PAM: variants seen among roughly 807,000 people sequenced by gnomAD.
The protein encoded by PAM is peptidyl-glycine alpha-amidating monooxygenase.
Under a neutral mutation model 122.1 loss-of-function variants are expected in PAM, and 72 were observed. The observed-to-expected ratio is 0.59, with a 90% confidence interval of 0.49 to 0.72. The LOEUF is 0.72. Among genes scored for constraint, PAM ranks in the 30% least tolerant of loss-of-function variants. The probability of loss-of-function intolerance (pLI) is 0.00; values close to 1 mark genes in which losing one functional copy is unlikely to be tolerated. For missense variants in PAM, 1,106 were observed against 1,183.7 expected (o/e 0.93, Z 0.96); for synonymous variants, 389 against 404.4 (o/e 0.96, Z 0.46).
intron 21 of PAM, among the ~76,000 whole-genome samples, chr5:103,011,821 T>A (rs921586119): frequency 2.3e-5 from 2 of 86,456 alleles, no homozygotes; most frequent in African/African-American, 6.6e-5. Flanking sequence ...CTACTTTTAG[T>A]TTTTTAAGGA....
intron 5 of PAM, among the ~76,000 whole-genome samples, chr5:102,914,795 A>G (rs1158419355): frequency 6.6e-6 from 1 of 152,110 alleles, no homozygotes; most frequent in Non-Finnish European, 1.5e-5. Context: ...ACCCACAGTT[A>G]TTTTCATTTT....
intron 4 of PAM, among the ~76,000 whole-genome samples, chr5:102,912,206 G>C (rs1801608899): frequency 6.6e-6 from 1 of 152,020 alleles, no homozygotes; most frequent in East Asian, 1.9e-4. Flanking sequence ...TCTTCTGAGG[G>C]GAGGAAGTCA....
intron 4 of PAM, among the ~76,000 whole-genome samples, chr5:102,908,355 A>G (rs549641548): frequency 5.3e-5 from 8 of 152,048 alleles, no homozygotes; most frequent in African/African-American, 1.7e-4. Context: ...TACCAGTACC[A>G]TGCTGTTTTG....
chr5:102,807,288 G>A (rs1278576794), intron 1 of PAM, among the ~76,000 whole-genome samples: 1 of 152,178 alleles, frequency 6.6e-6, no homozygotes, highest in East Asian at 1.9e-4. Flanking sequence ...GACTTGGTTT[G>A]ATGTTGAAAC....
intron 7 of PAM, among the ~76,000 whole-genome samples, chr5:102,928,916 G>T (rs1342453197): frequency 1.3e-5 from 2 of 152,030 alleles, no homozygotes; most frequent in Admixed American, 6.5e-5. Flanking sequence ...AAACTGGAAA[G>T]TTCTCAAATG....
intron 9 of PAM, among the ~76,000 whole-genome samples, chr5:102,949,215 A>G (rs1757987294): frequency 6.6e-6 from 1 of 152,128 alleles, no homozygotes; most frequent in Admixed American, 6.6e-5. Context: ...TTCCAAAAAT[A>G]AAAACCAATT....
chr5:102,792,720 G>A (rs1762356195), intron 1 of PAM, among the ~76,000 whole-genome samples: 1 of 152,168 alleles, frequency 6.6e-6, no homozygotes, highest in African/African-American at 2.4e-5. Flanking sequence ...ATTTTATCAA[G>A]TGAAGAGTTT....
At chr5:102,967,238 TC>T (rs1764357727) in intron 14 of PAM, among the ~76,000 whole-genome samples, 1 of 152,170 alleles carries the variant, frequency 6.6e-6, no homozygotes. Flanking sequence ...GTTATTAGAT[TC>T]CCATGTACTA....
intron 1 of PAM, among the ~76,000 whole-genome samples, chr5:102,847,805 C>G (rs1253665935): frequency 1.3e-5 from 2 of 152,098 alleles, no homozygotes; most frequent in Non-Finnish European, 2.9e-5. Context: ...TGAAATCGGT[C>G]AGAGAACTAA....
At chr5:103,008,934 A>G (rs1160963415) in intron 20 of PAM, among the ~76,000 whole-genome samples, 1 of 152,150 alleles carries the variant, frequency 6.6e-6, no homozygotes, top group Admixed American at 6.5e-5. Context: ...AATTTTGCAC[A>G]ATAGTAATTG....
At chr5:102,996,077 C>T (rs1191750094) in intron 16 of PAM, among the ~76,000 whole-genome samples, 1 of 152,056 alleles carries the variant, frequency 6.6e-6, no homozygotes, top group African/African-American at 2.4e-5. Context: ...TTTCTCCTTA[C>T]TCTAGCTCTT....
chr5:102,798,704 T>G (rs751200258), intron 1 of PAM, among the ~76,000 whole-genome samples: 13 of 152,180 alleles, frequency 8.5e-5, no homozygotes, highest in Non-Finnish European at 1.5e-4. Flanking sequence ...AAATTGCAAA[T>G]CTGGTTAGTT....
chr5:102,950,416 G>GTGTGTGTGTGTGTGTGTGT (rs1758418594), intron 11 of PAM, among the ~76,000 whole-genome samples: 18 of 146,062 alleles, frequency 1.2e-4, no homozygotes, highest in African/African-American at 4.6e-4. Context: ...TATGTGGGTG[G>GTGTGTGTGTGTGTGTGTGT]GTGTGTGTGT....
chr5:102,857,581 G>A (rs1393613446), intron 1 of PAM, among the ~76,000 whole-genome samples: 2 of 152,086 alleles, frequency 1.3e-5, no homozygotes, highest in African/African-American at 4.8e-5. Flanking sequence ...GTATATGAAT[G>A]GAAAAAAGAC....
chr5:102,869,562 T>C (rs1157386479), intron 3 of PAM, among the ~76,000 whole-genome samples: 1 of 152,230 alleles, frequency 6.6e-6, no homozygotes, highest in South Asian at 2.1e-4. Context: ...CTTCCATTTT[T>C]TTCCCATCAC....
Position 102,818,027 on chromosome 5 carries a change from A to G in PAM, c.-373-47796A>G, listed in dbSNP as rs1274358628. Among the ~76,000 whole-genome samples the G allele has an allele frequency of 9.6e-4, 139 of 145,500 alleles. 1 individual carries two copies. Among genetic ancestry groups the G allele is most frequent in the African/African-American group, 3.5e-3 (133 of 38,252 alleles). On this transcript the variant is annotated intron_variant, in intron 1 of 25. Transcript: ENST00000438793. Reference sequence around the variant, plus strand: ...CCTACTTAAACTTTTTTTTTCTCAAAAAAAAAAAAAAAAAAAAAAAGACCT... The same window carrying G: ...CCTACTTAAACTTTTTTTTTCTCAAGAAAAAAAAAAAAAAAAAAAAGACCT...
intron 15 of PAM, among the ~76,000 whole-genome samples, chr5:102,982,080 C>G (rs944907712): frequency 6.6e-6 from 1 of 152,062 alleles, no homozygotes; most frequent in Non-Finnish European, 1.5e-5. Flanking sequence ...TGGGTACCAA[C>G]CCAGCCTGCC....
chr5:102,951,906 CGAT>C (rs1277628068), intron 12 of PAM, among the ~76,000 whole-genome samples: 1 of 151,732 alleles, frequency 6.6e-6, no homozygotes, highest in Non-Finnish European at 1.5e-5. Context: ...TTATGGGAAA[CGAT>C]GATGGTAAGA....
Position 103,029,049 on chromosome 5 carries a change from C to T in PAM, c.2906C>T (p.Ala969Val). 1 of 1,605,230 alleles carries T rather than the reference C, an allele frequency of 6.2e-7. No homozygotes were observed. Among genetic ancestry groups the T allele is most frequent in the East Asian group, 2.2e-5 (1 of 44,834 alleles). Residue 969 changes from alanine (A) to valine (V), a missense_variant, in exon 26 of 26, where the codon GCA becomes GTA. Physicochemically the swap from Ala to Val is moderately conservative, Grantham distance 64. Transcript: ENST00000438793. ...TATTCAGCACCTCTGCCTGCGCTCG[C>T]ACCTTCCTCCTCCTGAAAACCAAGC... ...EEYSAPLPALAPSSS is the reference protein window; with the variant it reads ...EEYSAPLPALVPSSS
Sources: gnomAD v4.1 joint callset for allele counts (sites outside exome capture counted in the v4.1 genomes callset) on GRCh38, gnomAD v4.1.1 for gene constraint, MANE v1.5 for transcripts, NCBI Gene and HGNC (gene_info 2026-07-23, HGNC 2026-07-21) for gene names.